Variants in CNTN4 observed in about 807,000 individuals in gnomAD.
CNTN4 encodes contactin-4.
CNTN4 carries 77 observed loss-of-function variants against 122.5 expected under a neutral mutation model. The ratio of observed to expected loss-of-function variants is 0.63; its 90% CI spans 0.52 to 0.76. The LOEUF (loss-of-function observed/expected upper bound fraction) is 0.76, where lower values mean the gene tolerates loss of function less well. Among genes scored for constraint, CNTN4 ranks in the 30% least tolerant of loss-of-function variants. CNTN4 has a pLI of 0.00. For synonymous variants in CNTN4, 512 were observed against 447.0 expected, an observed-to-expected ratio of 1.15 and a Z score of -1.83; for missense variants, 1,256 against 1,259.1, an observed-to-expected ratio of 1.00 and a Z score of 0.04.
chr3:2,489,698 A>C (rs1043380544), intron 3 of CNTN4, among the ~76,000 whole-genome samples: 4 of 152,164 alleles, frequency 2.6e-5, no homozygotes, highest in East Asian at 3.9e-4. Context: ...AAGTTTAAAA[A>C]ATGTTTCTAT....
chr3:2,393,719 A>G (rs2046529552), intron 3 of CNTN4, among the ~76,000 whole-genome samples: 1 of 152,152 alleles, frequency 6.6e-6, no homozygotes, highest in African/African-American at 2.4e-5. Flanking sequence ...CATTGAAGCT[A>G]TGAGAAGATA....
At chr3:2,162,909 C>T (rs577474065) in intron 2 of CNTN4, among the ~76,000 whole-genome samples, 1 of 151,974 alleles carries the variant, frequency 6.6e-6, no homozygotes, top group Non-Finnish European at 1.5e-5. Context: ...CCAGCCTGGG[C>T]AACATAGGGA....
intron 4 of CNTN4, among the ~76,000 whole-genome samples, chr3:2,657,696 C>G (rs933855804): frequency 1.1e-4 from 17 of 151,952 alleles, no homozygotes; most frequent in African/African-American, 4.1e-4. Flanking sequence ...GTTTATGGCT[C>G]TGTGGTTTGG....
At chr3:2,646,331 C>A (rs2083117785) in intron 4 of CNTN4, among the ~76,000 whole-genome samples, 1 of 152,168 alleles carries the variant, frequency 6.6e-6, no homozygotes, top group Admixed American at 6.5e-5. Context: ...TTGTTAGTGG[C>A]CATTTTCATT....
intron 12 of CNTN4, among the ~76,000 whole-genome samples, chr3:2,911,525 A>G (rs1045902349): frequency 3.3e-5 from 5 of 152,346 alleles, no homozygotes; most frequent in Non-Finnish European, 7.4e-5. Flanking sequence ...AATAAAGCAC[A>G]CAAAGAAACC....
chr3:3,005,909 G>A (rs1277077332), intron 14 of CNTN4, among the ~76,000 whole-genome samples: 3 of 137,356 alleles, frequency 2.2e-5, no homozygotes, highest in Middle Eastern at 4.4e-3. Context: ...TTTTTGAGAC[G>A]GATTCTCACT....
chr3:2,716,274 G>A (rs2087490235), intron 4 of CNTN4, among the ~76,000 whole-genome samples: 1 of 151,596 alleles, frequency 6.6e-6, no homozygotes, highest in Non-Finnish European at 1.5e-5. Flanking sequence ...TTAATATATT[G>A]TAATTGAGAT....
intron 3 of CNTN4, among the ~76,000 whole-genome samples, chr3:2,342,503 C>A (rs2044247358): frequency 6.6e-6 from 1 of 152,188 alleles, no homozygotes; most frequent in Non-Finnish European, 1.5e-5. Context: ...TGTGTCCCCA[C>A]CCAAATCTCA....
At chr3:2,605,299 G>A (rs1289199532) in intron 4 of CNTN4, among the ~76,000 whole-genome samples, 2 of 152,214 alleles carry the variant, frequency 1.3e-5, no homozygotes, top group African/African-American at 4.8e-5. Context: ...TAAACATTTT[G>A]AGAAGCAGAG....
At chr3:2,974,032 C>A (rs1314371227) in intron 13 of CNTN4, among the ~76,000 whole-genome samples, 1 of 152,180 alleles carries the variant, frequency 6.6e-6, no homozygotes, top group East Asian at 1.9e-4. Context: ...AGTTCTCTTA[C>A]ACTCCTTCTG....
At chr3:2,350,610 T>A (rs945907068) in intron 3 of CNTN4, among the ~76,000 whole-genome samples, 2 of 152,184 alleles carry the variant, frequency 1.3e-5, no homozygotes, top group African/African-American at 4.8e-5. Flanking sequence ...TTCTTTTTTC[T>A]AGGCACTTCT....
At chr3:2,407,283 T>C (rs2047072411) in intron 3 of CNTN4, among the ~76,000 whole-genome samples, 1 of 152,134 alleles carries the variant, frequency 6.6e-6, no homozygotes, top group African/African-American at 2.4e-5. Flanking sequence ...GGGAAAAAAT[T>C]GAGATTAATC....
At chr3:2,443,721 C>G (rs2048519127) in intron 3 of CNTN4, among the ~76,000 whole-genome samples, 1 of 152,146 alleles carries the variant, frequency 6.6e-6, no homozygotes, top group Non-Finnish European at 1.5e-5. Flanking sequence ...GACTTGTACT[C>G]TGCCTACAGA....
intron 13 of CNTN4, among the ~76,000 whole-genome samples, chr3:2,932,504 G>A (rs1304286595): frequency 7.9e-5 from 12 of 152,216 alleles, no homozygotes; most frequent in Admixed American, 7.9e-4. Context: ...CATTCTGGAG[G>A]CTCTAGGGGA....
chr3:2,879,373 C>A lies in CNTN4; in HGVS notation c.653-3772C>A, dbSNP rs188860566. Among the ~76,000 whole-genome samples the A allele has an allele frequency of 9.8e-5, 15 of 152,292 alleles. No individual in the cohort carries two copies. In the East Asian group the frequency reaches 2.9e-3, roughly 29 times the overall value. On this transcript the variant is annotated intron_variant, in intron 8 of 24. Transcript: ENST00000418658. The stretch of plus-strand genomic sequence containing the variant: ...TATTTATGACTTCTATCCTCTAGAA[C>A]TGTAAGAGAATAAATTTCTTTTGCT...
intron 3 of CNTN4, among the ~76,000 whole-genome samples, chr3:2,382,999 C>T (rs1000625553): frequency 3.3e-5 from 5 of 151,458 alleles, no homozygotes; most frequent in African/African-American, 4.9e-5. Flanking sequence ...TGCTTGAACT[C>T]GGGAGGCGGA....
Position 2,334,779 on chromosome 3 carries a change from A to G in CNTN4, c.-144-4399A>G, listed in dbSNP as rs188296226. On this transcript the variant is annotated intron_variant, in intron 2 of 24. Coordinates refer to ENST00000418658, the MANE Select transcript of CNTN4 (RefSeq NM_175607.3). ...ACTCTTTGGTCCCTCCTAATGTTAT[A>G]TGCTATGTCTGTGAGAATTGAAAGC... 4.0e-3 allele frequency among the ~76,000 whole-genome samples: 603 copies of G among 152,258 alleles called. 7 individuals are homozygous for G. The highest frequency in any genetic ancestry group is 3.4e-3 in the Middle Eastern group (1 of 294).
intron 4 of CNTN4, among the ~76,000 whole-genome samples, chr3:2,720,540 C>A (rs901722636): frequency 1.3e-5 from 2 of 152,108 alleles, no homozygotes; most frequent in African/African-American, 4.8e-5. Flanking sequence ...CACTTTATTA[C>A]TCTCCTAGAG....
chr3:2,390,214 G>T (rs1443170792), intron 3 of CNTN4, among the ~76,000 whole-genome samples: 3 of 127,228 alleles, frequency 2.4e-5, no homozygotes, highest in Non-Finnish European at 5.0e-5. Context: ...TAGGAAAAAA[G>T]AGTGTGTGTG....
Sources: allele counts gnomAD v4.1 joint callset (sites outside exome capture counted in the v4.1 genomes callset), GRCh38; gene constraint gnomAD v4.1.1; transcripts MANE v1.5; gene names NCBI Gene and HGNC (gene_info 2026-07-23, HGNC 2026-07-21).